NEXMIF: variants seen among roughly 807,000 people sequenced by gnomAD.
NEXMIF encodes the protein XLMR protein related to neurite extension.
NEXMIF carries 8 observed loss-of-function variants against 62.1 expected under a neutral mutation model. The observed-to-expected ratio is 0.13, with a 90% CI of 0.08 to 0.23. The LOEUF (loss-of-function observed/expected upper bound fraction) is 0.23, where lower values mean the gene tolerates loss of function less well. Among genes scored for constraint, NEXMIF ranks in the 10% least tolerant of loss-of-function variants. The pLI, the probability that NEXMIF is intolerant of heterozygous loss-of-function variation, is 1.00. For synonymous variants in NEXMIF, 404 were observed against 416.6 expected (o/e 0.97, Z 0.37); for missense variants, 976 against 1,113.3 (o/e 0.88, Z 1.75).
In NEXMIF at chrX:74,732,914, T is replaced by G. The variant is rs1170645330; in HGVS notation, c.*6491A>C. 8.9e-6 allele frequency: 1 copy of G among 111,855 alleles called. No individual in the cohort carries two copies. Among genetic ancestry groups the G allele is most frequent in the Non-Finnish European group, 1.9e-5 (1 of 53,216 alleles). The allele number at this position is 111,855 out of a possible 1,213,427, so 9.2% of individuals were successfully genotyped here. A position where few individuals can be genotyped will look rare whatever the true frequency, so the allele number is the denominator to read the frequency against. Reference sequence around the variant, plus strand: ...AACAGCTTTAACACTTTGAGAGGACTGCATCTCTGCAGATTCCATCTGGAT... The same window carrying G: ...AACAGCTTTAACACTTTGAGAGGACGGCATCTCTGCAGATTCCATCTGGAT... On this transcript the variant is annotated 3_prime_UTR_variant, in exon 4 of 4. Transcript: ENST00000055682.
intron 1 of NEXMIF, among the ~76,000 whole-genome samples, chrX:74,816,294 T>C (rs1297300019): frequency 8.9e-6 from 1 of 112,081 alleles, no homozygotes; most frequent in Non-Finnish European, 1.9e-5. Flanking sequence ...GGAATATTCC[T>C]GTCATCAAAA....
At chrX:74,827,749 A>C (rs1304365854) in intron 1 of NEXMIF, among the ~76,000 whole-genome samples, 1 of 111,749 alleles carries the variant, frequency 8.9e-6, no homozygotes, top group African/African-American at 3.3e-5. Flanking sequence ...ATGAACTTGA[A>C]GTTGGGAAGA....
At chrX:74,920,320 A>C (rs932636362) in intron 1 of NEXMIF, among the ~76,000 whole-genome samples, 2 of 111,652 alleles carry the variant, frequency 1.8e-5, no homozygotes, top group Non-Finnish European at 3.8e-5. Context: ...TTGCCATTCT[A>C]ACTGGTGTGA....
At chrX:74,815,158 C>T (rs1293915552) in intron 1 of NEXMIF, among the ~76,000 whole-genome samples, 1 of 112,204 alleles carries the variant, frequency 8.9e-6, no homozygotes, top group Non-Finnish European at 1.9e-5. Context: ...AATTTTCCAG[C>T]TTCATCAGAA....
At chrX:74,882,546 T>C (rs929287680) in intron 1 of NEXMIF, among the ~76,000 whole-genome samples, 6 of 111,546 alleles carry the variant, frequency 5.4e-5, no homozygotes, top group Non-Finnish European at 1.1e-4. Context: ...GCCTCACTCA[T>C]TGCTAGCACA....
chrX:74,767,109 C>T (rs112646476), intron 1 of NEXMIF, among the ~76,000 whole-genome samples: 2 of 112,503 alleles, frequency 1.8e-5, no homozygotes, highest in Non-Finnish European at 3.8e-5. Context: ...GCAACCTGCC[C>T]CTCCCACTGG....
In NEXMIF at chrX:74,740,920, C is replaced by T. The variant is rs757442837; in HGVS notation, c.3637G>A (p.Gly1213Ser). The T allele has an allele frequency of 8.1e-5, 98 of 1,210,108 alleles. No homozygotes were observed. The highest frequency in any genetic ancestry group is 1.1e-4 in the Non-Finnish European group (95 of 895,194). ...TTAGGGACCTGGCGGGAGTTTTTGC[C>T]AGGTGGTTTTTCAATCCCCTTGTTG... is the stretch of plus-strand genomic sequence containing the variant. The part of the protein sequence containing the change: ...GNNKGIEKPP[G>S]KNSRQVPKST... Residue 1213 changes from glycine to serine, a missense_variant, in exon 3 of 4, where the codon GGC becomes AGC. This residue lies in a region of NEXMIF where 639 missense variants were observed against 694.5 expected (regional missense o/e 0.92). Transcript: ENST00000055682.
chrX:74,863,988 TAGAC>T (rs899499638), intron 1 of NEXMIF, among the ~76,000 whole-genome samples: 4 of 112,029 alleles, frequency 3.6e-5, no homozygotes, highest in African/African-American at 1.3e-4. Flanking sequence ...ACTGATCACA[TAGAC>T]AGAACTAAAG....
intron 1 of NEXMIF, among the ~76,000 whole-genome samples, chrX:74,758,283 A>G (rs917424955): frequency 4.5e-5 from 5 of 111,704 alleles, no homozygotes; most frequent in Non-Finnish European, 9.4e-5. Flanking sequence ...TAAGCAGGGG[A>G]AACATGATGT....
chrX:74,911,259 A>C (rs987612244), intron 1 of NEXMIF, among the ~76,000 whole-genome samples: 1 of 111,284 alleles, frequency 9.0e-6, no homozygotes, highest in Non-Finnish European at 1.9e-5. Flanking sequence ...GTCTCTACTA[A>C]AAATACAAAA....
chrX:74,888,776 A>G (rs1176946155), intron 1 of NEXMIF, among the ~76,000 whole-genome samples: 1 of 112,386 alleles, frequency 8.9e-6, no homozygotes, highest in Non-Finnish European at 1.9e-5. Context: ...TCACATAAAC[A>G]AATGGATGCA....
At position 74,833,677 on chromosome X, in the gene NEXMIF, G is replaced by C. The variant is rs770008874; in HGVS notation, c.-47-87980C>G. Among the ~76,000 whole-genome samples, 3 of 110,527 alleles carry C rather than the reference G, an allele frequency of 2.7e-5. No individual in the cohort carries two copies. In the Admixed American group the frequency reaches 2.9e-4, roughly 11 times the overall value. On this transcript the variant is annotated intron_variant, in intron 1 of 3. Coordinates refer to ENST00000055682, the MANE Select transcript of NEXMIF (RefSeq NM_001008537.3). ...TCCTACTTCCCTTCCTTTCCTTTTA[G>C]TAAAGGTGATTTTCTCTGGTGGTAT... is the stretch of plus-strand genomic sequence containing the variant.
At chrX:74,834,814 A>G (rs914504935) in intron 1 of NEXMIF, among the ~76,000 whole-genome samples, 1 of 111,423 alleles carries the variant, frequency 9.0e-6, no homozygotes, top group Admixed American at 9.5e-5. Flanking sequence ...TTAGTGTTCT[A>G]TAACCTTGTA....
intron 1 of NEXMIF, among the ~76,000 whole-genome samples, chrX:74,784,614 A>T (rs1199595382): frequency 2.8e-5 from 3 of 107,273 alleles, no homozygotes; most frequent in African/African-American, 3.4e-5. Flanking sequence ...GCAATATTTT[A>T]TATATATATA....
At chrX:74,767,490 G>A (rs1444395860) in intron 1 of NEXMIF, among the ~76,000 whole-genome samples, 2 of 111,734 alleles carry the variant, frequency 1.8e-5, no homozygotes, top group East Asian at 5.8e-4. Flanking sequence ...AGAGAAACGG[G>A]ATCCAGCACC....
At chrX:74,841,587 C>A (rs1428863616) in intron 1 of NEXMIF, among the ~76,000 whole-genome samples, 6 of 111,653 alleles carry the variant, frequency 5.4e-5, no homozygotes, top group Non-Finnish European at 1.1e-4. Context: ...CCAGCTTTTC[C>A]CCATTCCGCA....
chrX:74,898,250 T>C (rs1390667853), intron 1 of NEXMIF, among the ~76,000 whole-genome samples: 1 of 112,245 alleles, frequency 8.9e-6, no homozygotes, highest in Non-Finnish European at 1.9e-5. Context: ...GTATCCTTAA[T>C]ACAATGTAAT....
chrX:74,909,399 T>C (rs922328596), intron 1 of NEXMIF, among the ~76,000 whole-genome samples: 4 of 111,776 alleles, frequency 3.6e-5, no homozygotes. Flanking sequence ...CCCTAGAGAT[T>C]TGTGGAACTT....
intron 1 of NEXMIF, among the ~76,000 whole-genome samples, chrX:74,796,445 A>G (rs1319984220): frequency 9.8e-6 from 1 of 102,426 alleles, no homozygotes; most frequent in East Asian, 3.0e-4. Flanking sequence ...AAAAATGACC[A>G]CTCCTAGATC....
Sources: allele counts gnomAD v4.1 joint callset (sites outside exome capture counted in the v4.1 genomes callset), GRCh38; gene constraint gnomAD v4.1.1; regional missense constraint gnomAD v4.1.1; transcripts MANE v1.5; gene names NCBI Gene and HGNC (gene_info 2026-07-23, HGNC 2026-07-21).